The following FRYL variants were observed in gnomAD, a reference collection of about 807,000 sequenced individuals.
The protein encoded by FRYL is FRY like transcription coactivator.
Under a neutral mutation model 351.2 loss-of-function variants are expected in FRYL, and 150 were observed. The ratio of observed to expected loss-of-function variants is 0.43; its 90% CI spans 0.37 to 0.49. The LOEUF (loss-of-function observed/expected upper bound fraction) is 0.49. Ranked by LOEUF, FRYL falls within the 20% of genes least tolerant of loss-of-function variation. The probability of loss-of-function intolerance (pLI) is 0.00; values close to 1 mark genes in which losing one functional copy is unlikely to be tolerated. For synonymous variants in FRYL, 1,153 were observed against 1,257.1 expected, an observed-to-expected ratio of 0.92 and a Z score of 1.75; for missense variants, 3,036 against 3,619.3, an observed-to-expected ratio of 0.84 and a Z score of 4.13.
chr4:48,578,237 T>A (rs1359924821), intron 23 of FRYL, among the ~76,000 whole-genome samples: 1 of 151,642 alleles, frequency 6.6e-6, no homozygotes, highest in African/African-American at 2.4e-5. Context: ...AGGTACAGAG[T>A]GAAGTCAGGT....
chr4:48,521,314 A>G (rs1724842834), intron 54 of FRYL, 99 bp from the exon 55 acceptor site: 2 of 810,154 alleles, frequency 2.5e-6, no homozygotes, highest in African/African-American at 1.7e-5. Flanking sequence ...CGTTATAAAG[A>G]GCTTCTGAGA....
At chr4:48,673,722 T>C (rs1763093186) in intron 3 of FRYL, among the ~76,000 whole-genome samples, 1 of 152,246 alleles carries the variant, frequency 6.6e-6, no homozygotes, top group South Asian at 2.1e-4. Context: ...TTCCCAGGAA[T>C]GTTTAAAATT....
intron 9 of FRYL, among the ~76,000 whole-genome samples, chr4:48,606,845 C>T (rs554646947): frequency 2.7e-4 from 41 of 152,106 alleles, no homozygotes; most frequent in Non-Finnish European, 5.0e-4. Flanking sequence ...TTTCTTTATT[C>T]CTATAATATT....
At position 48,602,099 on chromosome 4, in the gene FRYL, C is replaced by T; in HGVS notation, c.956G>A (p.Cys319Tyr). 1 of 1,592,268 alleles carries T rather than the reference C, an allele frequency of 6.3e-7. No individual in the cohort carries two copies. Among genetic ancestry groups the T allele is most frequent in the South Asian group, 1.1e-5 (1 of 90,512 alleles). ...TTGTTTCTGACTGACACATAAAAGG[C>T]AGGTAATTAGTGGATATAAAGCCTA... is the stretch of plus-strand genomic sequence containing the variant. ...HSLALYPLIT[C>Y]LLCVSQKQFF... The change falls in exon 13 of 64, where the codon TGC becomes TAC. Residue 319 changes from cysteine to tyrosine, a missense_variant. By Grantham distance (194) the Cys-to-Tyr change is radical. Coordinates refer to ENST00000358350, the MANE Select transcript of FRYL (RefSeq NM_015030.2).
In FRYL at chr4:48,557,500, G is replaced by C. The variant is rs200163698; in HGVS notation, c.4078C>G (p.Gln1360Glu). 3 of 1,583,954 alleles carry C rather than the reference G, an allele frequency of 1.9e-6. No individual in the cohort carries two copies. The highest frequency in any genetic ancestry group is 1.8e-5 in the Admixed American group (1 of 56,452). The part of the protein sequence containing the change: ...WLRGEGWGSP[Q>E]ATAMVLNNLM... ...TTGTTCAAAACCATTGCAGTGGCTT[G>C]TGGAGATCCCCATCCTTCTCCCCGT... Residue 1360 changes from glutamine (Q) to glutamate (E), a missense_variant, in exon 34 of 64, where the codon CAA (glutamine) becomes GAA (glutamate). Gln to Glu is a conservative substitution (Grantham distance 29). Coordinates refer to ENST00000358350, the MANE Select transcript of FRYL (RefSeq NM_015030.2).
intron 24 of FRYL, among the ~76,000 whole-genome samples, chr4:48,575,604 T>C (rs963737859): frequency 1.3e-5 from 2 of 152,242 alleles, no homozygotes; most frequent in Admixed American, 1.3e-4. Context: ...TCTTAAGTTT[T>C]GTCATTTTCA....
intron 3 of FRYL, among the ~76,000 whole-genome samples, chr4:48,636,692 C>G (rs1249271187): frequency 1.3e-5 from 2 of 151,662 alleles, no homozygotes; most frequent in Non-Finnish European, 2.9e-5. Context: ...AGTTATCTGT[C>G]AAGATAAAAA....
intron 3 of FRYL, among the ~76,000 whole-genome samples, chr4:48,657,562 C>T (rs775765144): frequency 3.3e-5 from 5 of 152,008 alleles, no homozygotes; most frequent in African/African-American, 4.8e-5. Context: ...TGCCAATTTT[C>T]GATTGTATTC....
At chr4:48,706,954 A>C (rs2149584966) in intron 2 of FRYL, among the ~76,000 whole-genome samples, 1 of 152,278 alleles carries the variant, frequency 6.6e-6, no homozygotes, top group African/African-American at 2.4e-5. Context: ...GCAGCCCCAG[A>C]AGATACTTGG....
At chr4:48,576,893 T>C (rs1739734847) in intron 23 of FRYL, among the ~76,000 whole-genome samples, 1 of 152,196 alleles carries the variant, frequency 6.6e-6, no homozygotes, top group Non-Finnish European at 1.5e-5. Flanking sequence ...GAACTATAAG[T>C]GCATGAATAC....
intron 3 of FRYL, among the ~76,000 whole-genome samples, chr4:48,684,156 TTCAACAAATATTTGTTGAATAGCTTC>T (rs1045815254): frequency 1.1e-4 from 17 of 152,192 alleles, no homozygotes; most frequent in Non-Finnish European, 2.2e-4. Flanking sequence ...ATTTCCTTCA[TTCAACAAATATTTGTTGAATAGCTTC>T]TCTAATGATC....
chr4:48,526,099 G>A (rs536089735), intron 53 of FRYL, among the ~76,000 whole-genome samples: 1 of 150,664 alleles, frequency 6.6e-6, no homozygotes, highest in East Asian at 2.0e-4. Context: ...TTGTATATGT[G>A]TATGTATATG....
intron 1 of FRYL, among the ~76,000 whole-genome samples, chr4:48,753,166 T>G (rs372220147): frequency 6.6e-6 from 1 of 152,164 alleles, no homozygotes; most frequent in Non-Finnish European, 1.5e-5. Flanking sequence ...CACAGGATCA[T>G]GACATTAAAC....
At chr4:48,610,754 A>G (rs1747982591) in intron 7 of FRYL, among the ~76,000 whole-genome samples, 1 of 146,582 alleles carries the variant, frequency 6.8e-6, no homozygotes, top group Admixed American at 6.9e-5. Context: ...TATTGTATAT[A>G]TACATATATT....
At chr4:48,635,273 A>T (rs1753993961) in intron 3 of FRYL, among the ~76,000 whole-genome samples, 1 of 152,156 alleles carries the variant, frequency 6.6e-6, no homozygotes, top group African/African-American at 2.4e-5. Context: ...CTTTATAAAA[A>T]TCTCTCTGGT....
intron 7 of FRYL, chr4:48,618,460 A>G (rs977936164): frequency 7.9e-5 from 12 of 152,202 alleles, no homozygotes; most frequent in African/African-American, 2.6e-4. Context: ...CCCTGTCCAA[A>G]TGTGTCATAT....
At chr4:48,661,442 T>C (rs1760702124) in intron 3 of FRYL, among the ~76,000 whole-genome samples, 1 of 152,182 alleles carries the variant, frequency 6.6e-6, no homozygotes, top group Non-Finnish European at 1.5e-5. Flanking sequence ...AGGGATCCCA[T>C]GAAGTCCCAC....
In FRYL at chr4:48,540,001, A is replaced by C. The variant is rs565950418; in HGVS notation, c.6363T>G (p.Phe2121Leu). The C allele has an allele frequency of 1.2e-6, 2 of 1,613,288 alleles. No individual in the cohort carries two copies. The highest frequency in any genetic ancestry group is 1.7e-6 in the Non-Finnish European group (2 of 1,179,542). Reference protein sequence around the residue: ...LIQHFDSPTQFCKETASRIAK... With the variant: ...LIQHFDSPTQLCKETASRIAK... ...CTATTCGACTAGCTGTTTCTTTGCA[A>C]AACTGAGTTGGGCTGTCAAAATGCT... Residue 2121 changes from phenylalanine (F) to leucine (L), a missense_variant, in exon 47 of 64, where the codon TTT becomes TTG. This residue lies in a region of FRYL where 1,987 missense variants were observed against 2,311.7 expected (regional missense o/e 0.86). Coordinates refer to ENST00000358350, the MANE Select transcript of FRYL (RefSeq NM_015030.2).
chr4:48,644,698 A>C (rs1332887078), intron 3 of FRYL, among the ~76,000 whole-genome samples: 1 of 152,032 alleles, frequency 6.6e-6, no homozygotes, highest in Non-Finnish European at 1.5e-5. Flanking sequence ...CAAACAAACA[A>C]AAACCAATGT....
Sources: gnomAD v4.1 joint callset for allele counts (sites outside exome capture counted in the v4.1 genomes callset) on GRCh38, gnomAD v4.1.1 for gene constraint, gnomAD v4.1.1 regional missense constraint, MANE v1.5 for transcripts, NCBI Gene and HGNC (gene_info 2026-07-23, HGNC 2026-07-21) for gene names.